The following KLF1 variants were observed in gnomAD, a reference collection of about 807,000 sequenced individuals.
KLF1 encodes Krueppel-like factor 1.
KLF1 carries 29 observed loss-of-function variants against 28.0 expected under a neutral mutation model. That is an observed-to-expected ratio of 1.04 (90% CI 0.77 to 1.41). The LOEUF (loss-of-function observed/expected upper bound fraction) is 1.41, where lower values mean the gene tolerates loss of function less well. Ranked by LOEUF, KLF1 falls within the 40% of genes most tolerant of loss-of-function variation. The pLI is 0.00. For synonymous variants in KLF1, 262 were observed against 242.6 expected, an observed-to-expected ratio of 1.08 and a Z score of -0.74; for missense variants, 508 against 515.1, an observed-to-expected ratio of 0.99 and a Z score of 0.13.
rs387907599 is a variant in KLF1 at position 12,884,962 on chromosome 19, G to T, written c.1012C>A (p.Pro338Thr). Residue 338 changes from proline to threonine, a missense_variant, in exon 3 of 3, where the codon CCC becomes ACC. By Grantham distance (38) the Pro-to-Thr change is conservative (BLOSUM62 -1). Transcript: ENST00000264834. ...CGTGGGCAGAGCTGGCAGCGGAAGG[G>T]GCGCTGCCCCGTGTGTTTCCGGTAG... ...RHYRKHTGQR[P>T]FRCQLCPRAF... The T allele has an allele frequency of 6.2e-7, 1 of 1,613,734 alleles. No individual in the cohort carries two copies. Among genetic ancestry groups the T allele is most frequent in the East Asian group, 2.2e-5 (1 of 44,878 alleles).
At position 12,886,025 on chromosome 19, in the gene KLF1, C is replaced by T. The variant is rs1288697910; in HGVS notation, c.205G>A (p.Ala69Thr). 1.2e-6 allele frequency: 2 copies of T among 1,604,686 alleles called. No homozygotes were observed. The highest frequency in any genetic ancestry group is 2.3e-5 in the East Asian group (1 of 44,394). ...AGATCCAGGTCCCAGGTGGCGTCCG[C>T]GCCCCTCTCATCGTCCTCTTCCTCC... The part of the protein sequence containing the change: ...PGEEEDDERG[A>T]DATWDLDLLL... Residue 69 changes from alanine (A) to threonine (T), a missense_variant, in exon 2 of 3, where the codon GCG becomes ACG. Transcript: ENST00000264834.
intron 1 of KLF1, 122 bp downstream of exon 1, chr19:12,886,931 GC>G: frequency 1.0e-6 from 1 of 997,744 alleles, no homozygotes; most frequent in Non-Finnish European, 1.6e-6. Context: ...CCTGGACTGA[GC>G]GTACCTCAGT....
chr19:12,886,907 C>T lies in KLF1; in HGVS notation c.87+147G>A, dbSNP rs898299891. ...CCTCCTCACCCCCTGCCAGACTAAGCTGAGATCTCCTCTCCTGGACTGAGC... is the reference window on the plus strand; with the variant it reads ...CCTCCTCACCCCCTGCCAGACTAAGTTGAGATCTCCTCTCCTGGACTGAGC... On this transcript the variant is annotated intron_variant, in intron 1 of 2. Coordinates refer to ENST00000264834, the MANE Select transcript of KLF1 (RefSeq NM_006563.5). The T allele has an allele frequency of 3.7e-6, 3 of 818,324 alleles. No homozygotes were observed. The East Asian group carries it at 7.7e-5, about 21-fold the overall frequency. 50.7% of individuals were successfully genotyped at this position (818,324 alleles called of 1,614,324 possible).
At chr19:12,886,981 C>T in intron 1 of KLF1, 73 bp downstream of exon 1, 1 of 1,458,666 alleles carries the variant, frequency 6.9e-7, no homozygotes, top group Non-Finnish European at 9.6e-7. Context: ...AGATGCAGGT[C>T]TGGACCCCAA....
In KLF1 at chr19:12,885,067, G is replaced by C. The variant is rs1262839507; in HGVS notation, c.914-7C>G. ...CAGGCGTATGGCTTCTCCCCTAGGG[G>C]ACAAGGAAGCCATAAGCGCCACTGT... is the stretch of plus-strand genomic sequence containing the variant. On this transcript the variant is annotated splice_polypyrimidine_tract_variant and splice_region_variant and intron_variant, in intron 2 of 2. Transcript: ENST00000264834. This position sits in a 1 kb window ranked among gnomAD's most constrained non-coding sequence, Gnocchi z 5.6. 2 of 1,602,726 alleles carry C rather than the reference G, an allele frequency of 1.2e-6. No homozygotes were observed. The highest frequency in any genetic ancestry group is 1.7e-6 in the Non-Finnish European group (2 of 1,179,798).
Position 12,885,689 on chromosome 19 carries a change from A to T in KLF1, c.541T>A (p.Tyr181Asn), listed in dbSNP as rs547785696. 4.6e-5 allele frequency: 71 copies of T among 1,533,352 alleles called. No homozygotes were observed. The African/African-American group carries it at 8.8e-4, about 19-fold the overall frequency. The allele number at this position is 1,533,352 out of a possible 1,614,324, so 95.0% of individuals were successfully genotyped here. The change falls in exon 2 of 3, where the codon TAC (tyrosine) becomes AAC (asparagine). Residue 181 changes from tyrosine to asparagine, a missense_variant. Transcript: ENST00000264834. The surrounding 1 kb of genome is among the most constrained non-coding windows in gnomAD (Gnocchi z 5.6). ...ACTGAAAGCCCGGTCCGCGGGAAGT[A>T]GCCACCCGAGGAGCCGGCGCCGGGC... is the stretch of plus-strand genomic sequence containing the variant. ...PGPGAGSSGG[Y>N]FPRTGLSVPA... is the part of the protein sequence containing the mutation.
Position 12,885,537 on chromosome 19 carries a change from C to T in KLF1, c.693G>A (p.Thr231=), listed in dbSNP as rs1267172121. 6 of 1,579,970 alleles carry T rather than the reference C, an allele frequency of 3.8e-6. No individual in the cohort carries two copies. The highest frequency in any genetic ancestry group is 5.2e-6 in the Non-Finnish European group (6 of 1,163,928). Residue 231 remains threonine, a synonymous_variant, in exon 2 of 3, where the codon ACG becomes ACA. Transcript: ENST00000264834. The surrounding 1 kb of genome is among the most constrained non-coding windows in gnomAD (Gnocchi z 5.6). The stretch of plus-strand genomic sequence containing the variant: ...CCAAACAACTCAGGAAGGAGGGGGA[C>T]GTGGCGGGACCGGGCGCGGGTCCCT... ...GLQGPAPGPA[T]SPSFLSCLGP...
rs869278477 is a variant in KLF1 at position 12,887,129 on chromosome 19, G to A, written c.12C>T (p.Ala4=). ...TGCTGATGGAGGGCAAGGCGGTCTC[G>A]GCTGTGGCCATGGCTGGCTGGTGCC... The part of the protein sequence containing the change: MAT[A]ETALPSISTL... Residue 4 remains alanine (A), a synonymous_variant, in exon 1 of 3, where the codon GCC becomes GCT. Coordinates refer to ENST00000264834, the MANE Select transcript of KLF1 (RefSeq NM_006563.5). The surrounding 1 kb of genome is among the most constrained non-coding windows in gnomAD (Gnocchi z 4.7). The A allele has an allele frequency of 5.0e-6, 8 of 1,613,956 alleles. No individual in the cohort carries two copies. Among genetic ancestry groups the A allele is most frequent in the African/African-American group, 2.7e-5 (2 of 74,932 alleles).
Position 12,885,730 on chromosome 19 carries a change from T to C in KLF1, c.500A>G (p.Gln167Arg). The change falls in exon 2 of 3, where the codon CAA becomes CGA. Residue 167 changes from glutamine (Q) to arginine (R), a missense_variant. By Grantham distance (43) the Gln-to-Arg change is conservative (BLOSUM62 1). Transcript: ENST00000264834. This position sits in a 1 kb window ranked among gnomAD's most constrained non-coding sequence, Gnocchi z 5.6. ...PAPEPKALAL[Q>R]PVYPGPGAGS... ...GGCGCCGGGCCCCGGGTACACCGGT[T>C]GCAGCGCCAGCGCCTTGGGCTCGGG... 6.6e-7 allele frequency: 1 copy of C among 1,511,272 alleles called. No homozygotes were observed. The highest frequency in any genetic ancestry group is 8.8e-7 in the Non-Finnish European group (1 of 1,130,954). 93.6% of individuals were successfully genotyped at this position (1,511,272 alleles called of 1,614,324 possible).
At position 12,885,625 on chromosome 19, in the gene KLF1, C is replaced by G. The variant is rs1292324009; in HGVS notation, c.605G>C (p.Gly202Ala). 1.9e-6 allele frequency: 3 copies of G among 1,550,258 alleles called. No homozygotes were observed. Among genetic ancestry groups the G allele is most frequent in the Non-Finnish European group, 1.7e-6 (2 of 1,147,474 alleles). ...AGGCGCCGGGTACATCGCGGGGTAC[C>G]CGGACAGTAGCCCGTAGGGGGCGCC... ...ASGAPYGLLS[G>A]YPAMYPAPQY... Residue 202 changes from glycine to alanine, a missense_variant, in exon 2 of 3, where the codon GGG becomes GCG. Gly to Ala is a moderately conservative substitution (Grantham distance 60, BLOSUM62 0). Coordinates refer to ENST00000264834, the MANE Select transcript of KLF1 (RefSeq NM_006563.5). This position sits in a 1 kb window ranked among gnomAD's most constrained non-coding sequence, Gnocchi z 5.6.
At position 12,884,608 on chromosome 19, in the gene KLF1, GGTCT is replaced by G; in HGVS notation, c.*273_*276del. 1 of 503,700 alleles carries G rather than the reference GGTCT, an allele frequency of 2.0e-6. No homozygotes were observed. The highest frequency in any genetic ancestry group is 3.6e-6 in the Non-Finnish European group (1 of 276,530). 31.2% of individuals were successfully genotyped at this position (503,700 alleles called of 1,614,324 possible). On this transcript the variant is annotated 3_prime_UTR_variant, in exon 3 of 3. Coordinates refer to ENST00000264834, the MANE Select transcript of KLF1 (RefSeq NM_006563.5). ...TGTCCACTGAGTCCGTTTATTTGGCGGTCTGTCTCACTGGGTTTGCACGACAGTT... is the reference window on the plus strand; with the variant it reads ...TGTCCACTGAGTCCGTTTATTTGGCGGTCTCACTGGGTTTGCACGACAGTT...
At position 12,887,123 on chromosome 19, in the gene KLF1, G is replaced by A. The variant is rs1310971106; in HGVS notation, c.18C>T (p.Thr6=). Residue 6 remains threonine (T), a synonymous_variant, in exon 1 of 3, where the codon ACC becomes ACT. Transcript: ENST00000264834. The surrounding 1 kb of genome is among the most constrained non-coding windows in gnomAD (Gnocchi z 4.7). MATAE[T]ALPSISTLTA... ...TCAGTGTGCTGATGGAGGGCAAGGCGGTCTCGGCTGTGGCCATGGCTGGCT... is the reference window on the plus strand; with the variant it reads ...TCAGTGTGCTGATGGAGGGCAAGGCAGTCTCGGCTGTGGCCATGGCTGGCT... 2.5e-6 allele frequency: 4 copies of A among 1,614,140 alleles called. No homozygotes were observed. Among genetic ancestry groups the A allele is most frequent in the Middle Eastern group, 1.7e-4 (1 of 6,054 alleles).
rs372605116 is a variant in KLF1, at chr19:12,885,397, G to C, written c.833C>G (p.Ala278Gly). 1 of 1,605,554 alleles carries C rather than the reference G, an allele frequency of 6.2e-7. No individual in the cohort carries two copies. Among genetic ancestry groups the C allele is most frequent in the Non-Finnish European group, 8.5e-7 (1 of 1,176,586 alleles). Residue 278 changes from alanine (A) to glycine (G), a missense_variant, in exon 2 of 3, where the codon GCG (alanine) becomes GGG (glycine). Transcript: ENST00000264834. This position sits in a 1 kb window ranked among gnomAD's most constrained non-coding sequence, Gnocchi z 5.6. ...RRSWARKRQA[A>G]HTCAHPGCGK... The stretch of plus-strand genomic sequence containing the variant: ...GCAACCCGGGTGCGCGCACGTGTGC[G>C]CTGCCTGCCTCTTGCGCGCCCACGA...
Position 12,885,033 on chromosome 19 carries a change from T to C in KLF1, c.941A>G (p.Glu314Gly), listed in dbSNP as rs772769651. The C allele has an allele frequency of 5.0e-6, 8 of 1,608,166 alleles. 1 individual carries two copies. In the South Asian group the frequency reaches 6.6e-5, roughly 13 times the overall value. Residue 314 changes from glutamate to glycine, a missense_variant, in exon 3 of 3, where the codon GAA becomes GGA. Coordinates refer to ENST00000264834, the MANE Select transcript of KLF1 (RefSeq NM_006563.5). This position sits in a 1 kb window ranked among gnomAD's most constrained non-coding sequence, Gnocchi z 5.6. ...GCGCGCGAATCTCCAGCCGCAGCCT[T>C]CCCACGTGCAGGCGTATGGCTTCTC... is the stretch of plus-strand genomic sequence containing the variant. ...TGEKPYACTW[E>G]GCGWRFARSD...
rs1019899056 is a variant in KLF1 at position 12,885,532 on chromosome 19, G to A, written c.698C>T (p.Pro233Leu). Residue 233 changes from proline (P) to leucine (L), a missense_variant, in exon 2 of 3, where the codon CCC becomes CTC. By Grantham distance (98) the Pro-to-Leu change is moderately conservative (BLOSUM62 -3). Transcript: ENST00000264834. The surrounding 1 kb of genome is among the most constrained non-coding windows in gnomAD (Gnocchi z 5.6). ...QGPAPGPATS[P>L]SFLSCLGPGT... ...GGGTCCCAAACAACTCAGGAAGGAG[G>A]GGGACGTGGCGGGACCGGGCGCGGG... 1 of 1,584,756 alleles carries A rather than the reference G, an allele frequency of 6.3e-7. No homozygotes were observed. The highest frequency in any genetic ancestry group is 1.1e-5 in the South Asian group (1 of 87,630).
In KLF1 at chr19:12,885,562, T is replaced by G. The variant is rs753726034; in HGVS notation, c.668A>C (p.Gln223Pro). Residue 223 changes from glutamine (Q) to proline (P), a missense_variant, in exon 2 of 3, where the codon CAG becomes CCG. Gln to Pro is a moderately conservative substitution (Grantham distance 76, BLOSUM62 -1). Coordinates refer to ENST00000264834, the MANE Select transcript of KLF1 (RefSeq NM_006563.5). This position sits in a 1 kb window ranked among gnomAD's most constrained non-coding sequence, Gnocchi z 5.6. ...QGHFQLFRGL[Q>P]GPAPGPATSP... ...CGTGGCGGGACCGGGCGCGGGTCCC[T>G]GGAGCCCGCGGAAGAGCTGGAAGTG... The G allele has an allele frequency of 6.4e-7, 1 of 1,565,510 alleles. No homozygotes were observed. Among genetic ancestry groups the G allele is most frequent in the South Asian group, 1.2e-5 (1 of 85,862 alleles).
chr19:12,885,084 C>T lies in KLF1; in HGVS notation c.914-24G>A, dbSNP rs779942313. 2 of 1,600,936 alleles carry T rather than the reference C, an allele frequency of 1.2e-6. No homozygotes were observed. Among genetic ancestry groups the T allele is most frequent in the Middle Eastern group, 1.9e-4 (1 of 5,176 alleles). On this transcript the variant is annotated intron_variant, in intron 2 of 2. Transcript: ENST00000264834. The surrounding 1 kb of genome is among the most constrained non-coding windows in gnomAD (Gnocchi z 5.6). ...CCCTAGGGGACAAGGAAGCCATAAGCGCCACTGTCTGCCCAGTCATGTCCC... is the reference window on the plus strand; with the variant it reads ...CCCTAGGGGACAAGGAAGCCATAAGTGCCACTGTCTGCCCAGTCATGTCCC...
rs778252185 is a variant in KLF1 at position 12,885,627 on chromosome 19, G to A, written c.603C>T (p.Ser201=). The A allele has an allele frequency of 2.5e-5, 39 of 1,549,760 alleles. 1 individual carries two copies. In the South Asian group the frequency reaches 3.9e-4, roughly 16 times the overall value. ...GCGCCGGGTACATCGCGGGGTACCCGGACAGTAGCCCGTAGGGGGCGCCCG... is the reference window on the plus strand; with the variant it reads ...GCGCCGGGTACATCGCGGGGTACCCAGACAGTAGCCCGTAGGGGGCGCCCG... ...AASGAPYGLL[S]GYPAMYPAPQ... Residue 201 remains serine, a synonymous_variant, in exon 2 of 3, where the codon TCC becomes TCT. Transcript: ENST00000264834. This position sits in a 1 kb window ranked among gnomAD's most constrained non-coding sequence, Gnocchi z 5.6.
In KLF1 at chr19:12,886,086, C is replaced by T. The variant is rs147263723; in HGVS notation, c.144G>A (p.Glu48=). Residue 48 remains glutamate (E), a synonymous_variant, in exon 2 of 3, where the codon GAG becomes GAA. Transcript: ENST00000264834. The stretch of plus-strand genomic sequence containing the variant: ...CCTCAGACTTCACGTGGAGGGGCGG[C>T]TCCGTGGGGTCAGGAGGACCCGGGC... ...DMGPGPPDPT[E]PPLHVKSEDQ... is the part of the protein sequence containing the mutation. The T allele has an allele frequency of 1.3e-5, 21 of 1,608,012 alleles. No individual in the cohort carries two copies. In the African/African-American group the frequency reaches 1.7e-4, roughly 13 times the overall value.
Sources: gnomAD v4.1 joint callset for allele counts on GRCh38, gnomAD v4.1.1 for gene constraint, Gnocchi (gnomAD v3.1) non-coding constraint, MANE v1.5 for transcripts, NCBI Gene and HGNC (gene_info 2026-07-23, HGNC 2026-07-21) for gene names.